HUS1: variants seen among roughly 807,000 people sequenced by gnomAD.
HUS1 encodes checkpoint protein HUS1.
Under a neutral mutation model 32.6 loss-of-function variants are expected in HUS1, and 31 were observed. The ratio of observed to expected loss-of-function variants is 0.95; its 90% confidence interval spans 0.72 to 1.28. The LOEUF (loss-of-function observed/expected upper bound fraction) is 1.28. Ranked by LOEUF, HUS1 falls within the 50% of genes most tolerant of loss-of-function variation. HUS1 has a pLI of 0.00. For synonymous variants in HUS1, 123 were observed against 116.6 expected, an observed-to-expected ratio of 1.06 and a Z score of -0.36; for missense variants, 340 against 337.7, an observed-to-expected ratio of 1.01 and a Z score of -0.05.
At position 47,965,335 on chromosome 7, in the gene HUS1, G is replaced by GC; in HGVS notation, c.*20dup. ...TCCCATCCTGACAAAGTCTCTGCATGCCAACTCCAGCGACAGGGTGCTAGG... is the reference window on the plus strand; with the variant it reads ...TCCCATCCTGACAAAGTCTCTGCATGCCCAACTCCAGCGACAGGGTGCTAGG... On this transcript the variant is annotated 3_prime_UTR_variant, in exon 8 of 8. Transcript: ENST00000258774. The GC allele has an allele frequency of 6.4e-7, 1 of 1,565,720 alleles. No individual in the cohort carries two copies.
Position 47,978,529 on chromosome 7 carries a change from T to G in HUS1, c.245A>C (p.Glu82Ala). 6.2e-7 allele frequency: 1 copy of G among 1,614,216 alleles called. No homozygotes were observed. Among genetic ancestry groups the G allele is most frequent in the Non-Finnish European group, 8.5e-7 (1 of 1,180,036 alleles). The change falls in exon 3 of 8, where the codon GAG becomes GCG. Residue 82 changes from glutamate (E) to alanine (A), a missense_variant. By Grantham distance (107) the Glu-to-Ala change is moderately radical. Coordinates refer to ENST00000258774, the MANE Select transcript of HUS1 (RefSeq NM_004507.4). ...VSAENNEIYL[E>A]LTSENLSRAL... is the part of the protein sequence containing the mutation. The stretch of plus-strand genomic sequence containing the variant: ...TCGAGATAAGTTTTCCGATGTTAGC[T>G]CTAAATAAATCTCATTGTTTTCTGC...
At position 47,977,975 on chromosome 7, in the gene HUS1, T is replaced by C. The variant is rs1788741637; in HGVS notation, c.357+442A>G. 2.0e-5 allele frequency among the ~76,000 whole-genome samples: 3 copies of C among 152,180 alleles called. No individual in the cohort carries two copies. The South Asian group carries it at 6.2e-4, about 31-fold the overall frequency. Reference sequence around the variant, plus strand: ...GTATGCGCATGAGTTTGTGTATTTGTGTGTTTGGAGGACAGCTGTGCACTA... The same window carrying C: ...GTATGCGCATGAGTTTGTGTATTTGCGTGTTTGGAGGACAGCTGTGCACTA... On this transcript the variant is annotated intron_variant, in intron 3 of 7. Transcript: ENST00000258774.
chr7:47,977,863 C>T (rs965711723), intron 3 of HUS1, among the ~76,000 whole-genome samples: 4 of 152,138 alleles, frequency 2.6e-5, no homozygotes, highest in African/African-American at 9.7e-5. Flanking sequence ...CACTGCACTC[C>T]AGCCTGGGTG....
chr7:47,969,583 A>G (rs1196020713), intron 5 of HUS1, among the ~76,000 whole-genome samples: 1 of 152,220 alleles, frequency 6.6e-6, no homozygotes, highest in Non-Finnish European at 1.5e-5. Flanking sequence ...ATGTGAAAAC[A>G]GGTGGAACTC....
At chr7:47,967,332 A>G (rs1788498738) in intron 7 of HUS1, among the ~76,000 whole-genome samples, 1 of 152,254 alleles carries the variant, frequency 6.6e-6, no homozygotes, top group Non-Finnish European at 1.5e-5. Context: ...GTTAACAACC[A>G]GCAGCCAAGG....
chr7:47,978,436 A>C lies in HUS1; in HGVS notation c.338T>G (p.Leu113Arg). 1 of 1,614,148 alleles carries C rather than the reference A, an allele frequency of 6.2e-7. No homozygotes were observed. The highest frequency in any genetic ancestry group is 8.5e-7 in the Non-Finnish European group (1 of 1,179,948). The change falls in exon 3 of 8, where the codon CTC becomes CGC. Residue 113 changes from leucine (L) to arginine (R), a missense_variant. Leu to Arg is a moderately radical substitution (Grantham distance 102, BLOSUM62 -2). Coordinates refer to ENST00000258774, the MANE Select transcript of HUS1 (RefSeq NM_004507.4). ...ACTCACCAGCTCCACGGAGACCGTG[A>C]GGCAGGGAAAGTGTTTATTAGTCAG... ...IKLTNKHFPC[L>R]TVSVELLSMS... is the part of the protein sequence containing the mutation.
chr7:47,966,841 T>C (rs1235685847), intron 7 of HUS1, among the ~76,000 whole-genome samples: 1 of 152,154 alleles, frequency 6.6e-6, no homozygotes, highest in Non-Finnish European at 1.5e-5. Flanking sequence ...CTCCCCATGA[T>C]CTGGCCTAGT....
chr7:47,974,683 G>C (rs1017559517), intron 5 of HUS1, among the ~76,000 whole-genome samples: 4 of 152,074 alleles, frequency 2.6e-5, no homozygotes, highest in African/African-American at 9.7e-5. Context: ...GAGGGAGCAG[G>C]GGGAGGAGGG....
At chr7:47,976,107 C>T (rs1051808410) in intron 4 of HUS1, 3 of 334,474 alleles carry the variant, frequency 9.0e-6, no homozygotes, top group African/African-American at 6.4e-5. Context: ...ACATGGCAGA[C>T]AGTCACTGCA....
chr7:47,978,934 G>T, intron 1 of HUS1, 118 bp from the exon 2 acceptor site: 1 of 1,046,802 alleles, frequency 9.6e-7, no homozygotes, highest in Non-Finnish European at 1.4e-6. Flanking sequence ...ACCACTTAAC[G>T]TTGGTATCAC....
At chr7:47,966,391 A>C (rs1448037275) in intron 7 of HUS1, among the ~76,000 whole-genome samples, 5 of 152,202 alleles carry the variant, frequency 3.3e-5, no homozygotes, top group Non-Finnish European at 7.4e-5. Flanking sequence ...GAATGTTGGG[A>C]AGACACTTGG....
intron 5 of HUS1, chr7:47,971,642 G>T: frequency 2.3e-6 from 1 of 443,212 alleles, no homozygotes; most frequent in East Asian, 7.1e-5. Context: ...TTTTGATGTT[G>T]ATATCTGCCC....
Position 47,963,378 on chromosome 7 carries a change from G to T in HUS1, c.*1978C>A, listed in dbSNP as rs890159803. ...AAAATCTTCAAAATTATATGTATTT[G>T]ATAATAAACATCACATAGAGCAAAT... On this transcript the variant is annotated 3_prime_UTR_variant, in exon 8 of 8. Transcript: ENST00000258774. 3 of 152,208 alleles carry T rather than the reference G, an allele frequency of 2.0e-5. No homozygotes were observed. The highest frequency in any genetic ancestry group is 2.9e-5 in the Non-Finnish European group (2 of 68,046). 9.4% of individuals were successfully genotyped at this position (152,208 alleles called of 1,614,324 possible).
At chr7:47,971,226 A>G (rs1583718181) in intron 5 of HUS1, 1 of 231,254 alleles carries the variant, frequency 4.3e-6, no homozygotes, top group East Asian at 1.2e-4. Context: ...GAATCTCATG[A>G]GAACATAGCC....
rs1169150068 is a variant in HUS1 at position 47,965,131 on chromosome 7, G to A, written c.*225C>T. Reference sequence around the variant, plus strand: ...AAATAAATTCTAGCTTTTCTTTTCAGTGTCTTAAAAACAAAGCAAAACAGA... The same window carrying A: ...AAATAAATTCTAGCTTTTCTTTTCAATGTCTTAAAAACAAAGCAAAACAGA... On this transcript the variant is annotated 3_prime_UTR_variant, in exon 8 of 8. Coordinates refer to ENST00000258774, the MANE Select transcript of HUS1 (RefSeq NM_004507.4). 5.2e-6 allele frequency: 2 copies of A among 383,404 alleles called. No homozygotes were observed. Among genetic ancestry groups the A allele is most frequent in the East Asian group, 7.9e-5 (2 of 25,216 alleles). The allele number at this position is 383,404 out of a possible 1,614,324, so 23.8% of individuals were successfully genotyped here. A position where few individuals can be genotyped will look rare whatever the true frequency, so the allele number is the denominator to read the frequency against.
At chr7:47,969,392 C>A in intron 5 of HUS1, 74 bp from the exon 6 acceptor site, 2 of 769,548 alleles carry the variant, frequency 2.6e-6, no homozygotes, top group South Asian at 3.0e-5. Context: ...CAACAGCTTT[C>A]ACACAACCAG....
chr7:47,969,012 T>C (rs1788539026), intron 6 of HUS1: 1 of 515,376 alleles, frequency 1.9e-6, no homozygotes, highest in Non-Finnish European at 3.4e-6. Flanking sequence ...TGTCAGCTAC[T>C]TGGTGGCACA....
At chr7:47,978,241 A>G (rs940869503) in intron 3 of HUS1, 176 bp downstream of exon 3, 1 of 552,458 alleles carries the variant, frequency 1.8e-6, no homozygotes, top group Admixed American at 3.3e-5. Flanking sequence ...TAACAACACA[A>G]TTTTAAAATG....
At chr7:47,976,909 C>A in intron 3 of HUS1, 72 bp from the exon 4 acceptor site, 2 of 1,021,870 alleles carry the variant, frequency 2.0e-6, no homozygotes, top group Non-Finnish European at 3.0e-6. Context: ...ACCCGAAGAC[C>A]CGGGACAAAA....
Sources: gnomAD v4.1 joint callset for allele counts (sites outside exome capture counted in the v4.1 genomes callset) on GRCh38, gnomAD v4.1.1 for gene constraint, MANE v1.5 for transcripts, NCBI Gene and HGNC (gene_info 2026-07-23, HGNC 2026-07-21) for gene names.